Variants in TNFSF11 observed in about 807,000 individuals in gnomAD.
TNFSF11 encodes tumor necrosis factor ligand superfamily member 11.
In TNFSF11, 12 loss-of-function variants were observed where a neutral mutation model predicts 32.2. That is an observed-to-expected ratio of 0.37 (90% CI 0.24 to 0.60). The LOEUF is 0.60. Ranked by LOEUF, TNFSF11 falls within the 20% of genes least tolerant of loss-of-function variation. The pLI, the probability that TNFSF11 is intolerant of heterozygous loss-of-function variation, is 0.66. For missense variants in TNFSF11, 345 were observed against 398.0 expected (o/e 0.87, Z 1.13); for synonymous variants, 172 against 152.1 (o/e 1.13, Z -0.96).
At chr13:42,601,865 C>T (rs956914766) in intron 4 of TNFSF11, among the ~76,000 whole-genome samples, 3 of 152,156 alleles carry the variant, frequency 2.0e-5, no homozygotes, top group African/African-American at 7.2e-5. Context: ...GGGATTATCA[C>T]GCAAATTTTG....
In TNFSF11 at chr13:42,607,424, T is replaced by C. The variant is rs1486117240; in HGVS notation, c.*506T>C. 6.5e-6 allele frequency: 1 copy of C among 153,366 alleles called. No homozygotes were observed. The highest frequency in any genetic ancestry group is 6.5e-5 in the Admixed American group (1 of 15,372). The allele number at this position is 153,366 out of a possible 1,614,324, so 9.5% of individuals were successfully genotyped here. A position where few individuals can be genotyped will look rare whatever the true frequency, so the allele number is the denominator to read the frequency against. ...TATATTTCAGATGTAATGTTTTCTT[T>C]GCAAAGTATTGTAAATTATATTTGT... On this transcript the variant is annotated 3_prime_UTR_variant, in exon 5 of 5. Transcript: ENST00000398795.
chr13:42,574,267 G>A lies in TNFSF11; in HGVS notation c.-37G>A, dbSNP rs200072190. On this transcript the variant is annotated 5_prime_UTR_variant, in exon 1 of 5. Transcript: ENST00000398795. ...CAGACAAGAAGGGGAGGGAGCGGGA[G>A]AGGGAGGAGAGCTCCGAAGCGAGAG... 6.5e-7 allele frequency: 1 copy of A among 1,544,068 alleles called. No homozygotes were observed. Among genetic ancestry groups the A allele is most frequent in the Middle Eastern group, 2.3e-4 (1 of 4,348 alleles).
intron 2 of TNFSF11, among the ~76,000 whole-genome samples, chr13:42,583,951 A>T (rs938269054): frequency 1.1e-4 from 16 of 152,214 alleles, no homozygotes; most frequent in Admixed American, 7.2e-4. Context: ...AAAATAAATC[A>T]GTTTGTAAAA....
At position 42,605,553 on chromosome 13, in the gene TNFSF11, A is replaced by G. The variant is rs371350692; in HGVS notation, c.533-944A>G. ...ATACACCAAAGGACCTGAAATATGA[A>G]AAGGATTGGACACACTGCTGGTTTA... On this transcript the variant is annotated intron_variant, in intron 4 of 4. Transcript: ENST00000398795. Among the ~76,000 whole-genome samples, 6 of 152,286 alleles carry G rather than the reference A, an allele frequency of 3.9e-5. No individual in the cohort carries two copies. The South Asian group carries it at 8.3e-4, about 21-fold the overall frequency.
At chr13:42,571,422 G>T (rs542162010), upstream of TNFSF11, among the ~76,000 whole-genome samples, 1 of 152,134 alleles carries the variant, frequency 6.6e-6, no homozygotes, top group South Asian at 2.1e-4. Flanking sequence ...AGGCTGGAGT[G>T]CAGTGGCATG....
chr13:42,587,412 T>C (rs571961445), intron 2 of TNFSF11, among the ~76,000 whole-genome samples: 1 of 152,338 alleles, frequency 6.6e-6, no homozygotes, highest in East Asian at 1.9e-4. Context: ...GAGCAGTCTC[T>C]GACATTCACT....
chr13:42,604,104 T>A (rs1034253210), intron 4 of TNFSF11, among the ~76,000 whole-genome samples: 1 of 152,174 alleles, frequency 6.6e-6, no homozygotes, highest in Admixed American at 6.5e-5. Context: ...AGCTGATCCA[T>A]CCCATTGAGA....
At chr13:42,564,340 G>T (rs1872791486) in intron 1 of TNFSF11, among the ~76,000 whole-genome samples, 1 of 152,140 alleles carries the variant, frequency 6.6e-6, no homozygotes. Flanking sequence ...GGCCAAGGCA[G>T]GTGGACCACC....
At chr13:42,584,987 A>T (rs1423699270) in intron 2 of TNFSF11, among the ~76,000 whole-genome samples, 1 of 152,226 alleles carries the variant, frequency 6.6e-6, no homozygotes, top group African/African-American at 2.4e-5. Context: ...TCTTATTTAT[A>T]CCTTATCATT....
At chr13:42,584,606 G>T (rs565788453) in intron 2 of TNFSF11, among the ~76,000 whole-genome samples, 1 of 152,178 alleles carries the variant, frequency 6.6e-6, no homozygotes, top group Non-Finnish European at 1.5e-5. Context: ...CACTATTTTA[G>T]GATCCTTTTG....
chr13:42,580,803 C>T (rs553216176), intron 1 of TNFSF11, among the ~76,000 whole-genome samples: 4 of 152,210 alleles, frequency 2.6e-5, no homozygotes, highest in African/African-American at 9.6e-5. Context: ...TTCCTTGGTG[C>T]CCCTCCCCTC....
chr13:42,602,997 T>C (rs1158175996), intron 4 of TNFSF11, among the ~76,000 whole-genome samples: 1 of 152,176 alleles, frequency 6.6e-6, no homozygotes, highest in Non-Finnish European at 1.5e-5. Context: ...CTGAGTGAGA[T>C]GAGTTAGTGT....
At chr13:42,576,410 C>G (rs1288568903) in intron 1 of TNFSF11, among the ~76,000 whole-genome samples, 1 of 152,060 alleles carries the variant, frequency 6.6e-6, no homozygotes, top group Non-Finnish European at 1.5e-5. Context: ...CATCCTTTAG[C>G]AGTCTTGATG....
intron 2 of TNFSF11, among the ~76,000 whole-genome samples, chr13:42,593,523 G>A (rs1868620503): frequency 6.6e-6 from 1 of 152,182 alleles, no homozygotes; most frequent in Admixed American, 6.5e-5. Flanking sequence ...CCAGGTTGGA[G>A]AGGAGGGAAT....
chr13:42,597,098 A>G (rs1367174070), intron 2 of TNFSF11, among the ~76,000 whole-genome samples: 1 of 152,206 alleles, frequency 6.6e-6, no homozygotes, highest in Non-Finnish European at 1.5e-5. Flanking sequence ...CTGTGCACAT[A>G]AATAACAATG....
At position 42,595,241 on chromosome 13, in the gene TNFSF11, G is replaced by A. The variant is rs1868740647; in HGVS notation, c.388-5511G>A. On this transcript the variant is annotated intron_variant, in intron 2 of 4. Coordinates refer to ENST00000398795, the MANE Select transcript of TNFSF11 (RefSeq NM_003701.4). ...GAGATTTCTTTGGTTGCTCTCTTTG[G>A]TAGTTCGGTTTCCTTTTTTTGTCTT... Among the ~76,000 whole-genome samples, 4 of 152,298 alleles carry A rather than the reference G, an allele frequency of 2.6e-5. No homozygotes were observed. The South Asian group carries it at 8.3e-4, about 32-fold the overall frequency.
rs145665424 is a variant in TNFSF11, at chr13:42,563,479, A to G, written c.-302+516A>G. On this transcript the variant is annotated intron_variant, in intron 1 of 6. Transcript: ENST00000358545. ...AGAGTTCAAGACCAGCCTTGCCAACATGGTAAAACCTTGTCTCTACCAAAA... is the reference window on the plus strand; with the variant it reads ...AGAGTTCAAGACCAGCCTTGCCAACGTGGTAAAACCTTGTCTCTACCAAAA... Among the ~76,000 whole-genome samples, 388 of 152,270 alleles carry G rather than the reference A, an allele frequency of 2.5e-3. 4 individuals are homozygous for G. The highest frequency in any genetic ancestry group is 0.02 in the Middle Eastern group (6 of 294).
At chr13:42,575,988 G>A (rs1416259103) in intron 1 of TNFSF11, among the ~76,000 whole-genome samples, 1 of 152,244 alleles carries the variant, frequency 6.6e-6, no homozygotes, top group Non-Finnish European at 1.5e-5. Context: ...GATGGAATGA[G>A]TTAAGAATCA....
rs1869528017 is a variant in TNFSF11 at position 42,607,479 on chromosome 13, A to G, written c.*561A>G. ...TAGTATTTGATTCAAAATATTTAAA[A>G]ATGTCTTGCTGTTGACATATTTAAT... On this transcript the variant is annotated 3_prime_UTR_variant, in exon 5 of 5. Transcript: ENST00000398795. 1 of 152,856 alleles carries G rather than the reference A, an allele frequency of 6.5e-6. No individual in the cohort carries two copies. Among genetic ancestry groups the G allele is most frequent in the African/African-American group, 2.4e-5 (1 of 41,448 alleles). 9.5% of individuals were successfully genotyped at this position (152,856 alleles called of 1,614,324 possible). A position where few individuals can be genotyped will look rare whatever the true frequency, so the allele number is the denominator to read the frequency against.
Sources: gnomAD v4.1 joint callset for allele counts (sites outside exome capture counted in the v4.1 genomes callset) on GRCh38, gnomAD v4.1.1 for gene constraint, MANE v1.5 for transcripts, NCBI Gene and HGNC (gene_info 2026-07-23, HGNC 2026-07-21) for gene names.